Variants in LPIN2 observed in about 807,000 individuals in gnomAD.
LPIN2 encodes lipin 2.
In LPIN2, 55 loss-of-function variants were observed where a neutral mutation model predicts 111.4. That is an observed-to-expected ratio of 0.49 (90% CI 0.40 to 0.62). The LOEUF is 0.62. LPIN2 is among the 20% of genes least tolerant of loss of function. The pLI is 0.00. For synonymous variants in LPIN2, 425 were observed against 414.0 expected (o/e 1.03, Z -0.32); for missense variants, 992 against 1,112.1 (o/e 0.89, Z 1.54).
intron 1 of LPIN2, among the ~76,000 whole-genome samples, chr18:2,988,858 T>A (rs566803058): frequency 1.3e-5 from 2 of 152,326 alleles, no homozygotes; most frequent in South Asian, 4.1e-4. Flanking sequence ...AGACTCAACA[T>A]ACTTTAATAT....
chr18:2,974,557 G>T (rs1166619825), intron 1 of LPIN2, among the ~76,000 whole-genome samples: 1 of 152,124 alleles, frequency 6.6e-6, no homozygotes, highest in Non-Finnish European at 1.5e-5. Context: ...TTTTCTCATG[G>T]TCTTAACTTT....
chr18:2,922,994 C>A (rs2077077291), intron 16 of LPIN2, among the ~76,000 whole-genome samples: 1 of 152,148 alleles, frequency 6.6e-6, no homozygotes, highest in Non-Finnish European at 1.5e-5. Flanking sequence ...TTCTTCAGAT[C>A]AATGTAATAT....
In LPIN2 at chr18:2,920,014, C is replaced by T. The variant is rs1032298215; in HGVS notation, c.*279G>A. 2 of 537,506 alleles carry T rather than the reference C, an allele frequency of 3.7e-6. No individual in the cohort carries two copies. The highest frequency in any genetic ancestry group is 3.1e-5 in the Admixed American group (1 of 32,050). The allele number at this position is 537,506 out of a possible 1,614,324, so 33.3% of individuals were successfully genotyped here. ...TTAAAATGATGCAATGGAAGGAGGC[C>T]CCAGCTCACAGCAGGAAACATGTGT... On this transcript the variant is annotated 3_prime_UTR_variant, in exon 20 of 20. Coordinates refer to ENST00000677752, the MANE Select transcript of LPIN2 (RefSeq NM_001375808.2).
At chr18:2,957,097 T>C (rs1314160000) in intron 2 of LPIN2, among the ~76,000 whole-genome samples, 1 of 152,232 alleles carries the variant, frequency 6.6e-6, no homozygotes, top group African/African-American at 2.4e-5. Flanking sequence ...TCTTACACTG[T>C]GGCTTAATTG....
At position 2,921,566 on chromosome 18, in the gene LPIN2, C is replaced by A. The variant is rs876660987; in HGVS notation, c.2409G>T (p.Gln803His). ...GGTTTCCAAAGGCAGCATAGAAGGG[C>A]TGCTTAGACGGGGCAAACAGATTCT... ...DIKNLFAPSK[Q>H]PFYAAFGNRP... is the part of the protein sequence containing the mutation. Residue 803 changes from glutamine (Q) to histidine (H), a missense_variant, in exon 18 of 20, where the codon CAG becomes CAT. Physicochemically the swap from Gln to His is conservative, Grantham distance 24. Coordinates refer to ENST00000677752, the MANE Select transcript of LPIN2 (RefSeq NM_001375808.2). 4.3e-6 allele frequency: 7 copies of A among 1,614,038 alleles called. No homozygotes were observed. Among genetic ancestry groups the A allele is most frequent in the Non-Finnish European group, 5.9e-6 (7 of 1,180,016 alleles).
At chr18:2,976,367 A>G (rs956020563) in intron 1 of LPIN2, among the ~76,000 whole-genome samples, 4 of 152,172 alleles carry the variant, frequency 2.6e-5, no homozygotes, top group African/African-American at 9.7e-5. Flanking sequence ...TGCAGGCCCA[A>G]AGTTCACAGT....
Position 2,921,088 on chromosome 18 carries a change from C to T in LPIN2, c.2443-207G>A, listed in dbSNP as rs1185400145. On this transcript the variant is annotated intron_variant, in intron 18 of 19. Coordinates refer to ENST00000677752, the MANE Select transcript of LPIN2 (RefSeq NM_001375808.2). ...GAGAGTCAGAAAACTTGGGCAGCCA[C>T]CAAGGGGAAGCCAGGGTCCCTGGCG... 1.1e-5 allele frequency: 7 copies of T among 622,150 alleles called. No homozygotes were observed. In the Admixed American group the frequency reaches 1.7e-4, roughly 15 times the overall value. The allele number at this position is 622,150 out of a possible 1,614,324, so 38.5% of individuals were successfully genotyped here. A position where few individuals can be genotyped will look rare whatever the true frequency, so the allele number is the denominator to read the frequency against.
chr18:2,933,652 G>A (rs966334396), intron 8 of LPIN2, among the ~76,000 whole-genome samples: 2 of 152,166 alleles, frequency 1.3e-5, no homozygotes, highest in Non-Finnish European at 2.9e-5. Flanking sequence ...TTAATTATGT[G>A]TGCCTATGGC....
At chr18:2,945,923 C>G (rs547691686) in intron 4 of LPIN2, 12 of 1,422,586 alleles carry the variant, frequency 8.4e-6, no homozygotes, top group Non-Finnish European at 1.2e-5. Context: ...CCCTCTTGGT[C>G]TAAGAATGTA....
chr18:2,991,599 C>G (rs924136052), intron 1 of LPIN2, among the ~76,000 whole-genome samples: 1 of 152,080 alleles, frequency 6.6e-6, no homozygotes, highest in Non-Finnish European at 1.5e-5. Context: ...ATAATCACAG[C>G]TCCTGAGAAG....
At chr18:2,963,741 C>T (rs972631165) in intron 1 of LPIN2, among the ~76,000 whole-genome samples, 1 of 151,892 alleles carries the variant, frequency 6.6e-6, no homozygotes, top group African/African-American at 2.4e-5. Context: ...AGCAGCATCC[C>T]TATCTTGAGG....
chr18:2,922,542 G>A (rs1284319643), intron 16 of LPIN2, among the ~76,000 whole-genome samples: 1 of 152,128 alleles, frequency 6.6e-6, no homozygotes, highest in Admixed American at 6.5e-5. Context: ...CTCCCAAAGT[G>A]CTGGGATTAC....
intron 8 of LPIN2, among the ~76,000 whole-genome samples, chr18:2,933,016 G>A (rs1385962713): frequency 1.3e-5 from 2 of 152,182 alleles, no homozygotes; most frequent in Non-Finnish European, 2.9e-5. Flanking sequence ...TGGGGATGCC[G>A]TCTGACTCAG....
Position 2,941,380 on chromosome 18 carries a change from A to G in LPIN2, c.591-668T>C, listed in dbSNP as rs1425766237. On this transcript the variant is annotated intron_variant, in intron 4 of 19. Coordinates refer to ENST00000677752, the MANE Select transcript of LPIN2 (RefSeq NM_001375808.2). The stretch of plus-strand genomic sequence containing the variant: ...AAAATGACAAATGCTTTTAAGATTC[A>G]TAAAAGGACCTTGGGTAGGGGGTTA... 2.0e-5 allele frequency among the ~76,000 whole-genome samples: 3 copies of G among 152,336 alleles called. No individual in the cohort carries two copies. The South Asian group carries it at 6.2e-4, about 32-fold the overall frequency.
Position 2,929,491 on chromosome 18 carries a change from C to T in LPIN2, c.1457-333G>A, listed in dbSNP as rs553187091. ...AGAAAGACAGACAGACACACACACA[C>T]GAAAACTGTCGAAGTTCTATTCTCA... On this transcript the variant is annotated intron_variant, in intron 9 of 19. Transcript: ENST00000677752. Among the ~76,000 whole-genome samples, 7 of 152,092 alleles carry T rather than the reference C, an allele frequency of 4.6e-5. No individual in the cohort carries two copies. In the South Asian group the frequency reaches 6.2e-4, roughly 14 times the overall value.
chr18:2,984,348 TC>T (rs1477311554), intron 1 of LPIN2, among the ~76,000 whole-genome samples: 1 of 152,150 alleles, frequency 6.6e-6, no homozygotes, highest in East Asian at 1.9e-4. Context: ...GTACACAAAC[TC>T]CTACTTCCAG....
rs117567248 is a variant in LPIN2 at position 2,921,480 on chromosome 18, A to C, written c.2442+53T>G. 3 of 1,345,084 alleles carry C rather than the reference A, an allele frequency of 2.2e-6. No homozygotes were observed. In the Admixed American group the frequency reaches 5.0e-5, roughly 23 times the overall value. The allele number at this position is 1,345,084 out of a possible 1,614,324, so 83.3% of individuals were successfully genotyped here. A position where few individuals can be genotyped will look rare whatever the true frequency, so the allele number is the denominator to read the frequency against. ...GGGACGTGGCTACACCCCACGAAGT[A>C]CATCCCTCTGAATTTCACCCACATC... On this transcript the variant is annotated intron_variant, in intron 18 of 19. Transcript: ENST00000677752.
chr18:3,010,089 T>C (rs559667554), intron 1 of LPIN2, among the ~76,000 whole-genome samples: 2 of 152,326 alleles, frequency 1.3e-5, no homozygotes, highest in Non-Finnish European at 2.9e-5. Flanking sequence ...CATTCCCCAC[T>C]ACACATGGGT....
rs2077117848 is a variant in LPIN2 at position 2,925,482 on chromosome 18, G to A, written c.1794-114C>T. 1 of 1,384,140 alleles carries A rather than the reference G, an allele frequency of 7.2e-7. No individual in the cohort carries two copies. Among genetic ancestry groups the A allele is most frequent in the Non-Finnish European group, 1.0e-6 (1 of 987,750 alleles). The allele number at this position is 1,384,140 out of a possible 1,614,324, so 85.7% of individuals were successfully genotyped here. A position where few individuals can be genotyped will look rare whatever the true frequency, so the allele number is the denominator to read the frequency against. ...CCTAAATCTTTTCTAGGAATGGGTA[G>A]AGTTATCCCTTCTGCCATTCTCCCA... On this transcript the variant is annotated intron_variant, in intron 13 of 19. Transcript: ENST00000677752. This position sits in a 1 kb window ranked among gnomAD's most constrained non-coding sequence, Gnocchi z 4.1.
Sources: gnomAD v4.1 joint callset for allele counts (sites outside exome capture counted in the v4.1 genomes callset) on GRCh38, gnomAD v4.1.1 for gene constraint, Gnocchi (gnomAD v3.1) non-coding constraint, MANE v1.5 for transcripts, NCBI Gene and HGNC (gene_info 2026-07-23, HGNC 2026-07-21) for gene names.